Variants in CLRN1 observed in about 807,000 individuals in gnomAD.
CLRN1 encodes the protein clarin 1.
Under a neutral mutation model 18.7 loss-of-function variants are expected in CLRN1, and 15 were observed. The ratio of observed to expected loss-of-function variants is 0.80; its 90% confidence interval spans 0.54 to 1.23. The LOEUF is 1.23. Ranked by LOEUF, CLRN1 falls within the 50% of genes most tolerant of loss-of-function variation. CLRN1 has a pLI of 0.00. For missense variants in CLRN1, 311 were observed against 277.5 expected (o/e 1.12, Z -0.86); for synonymous variants, 104 against 102.9 (o/e 1.01, Z -0.07).
At chr3:150,944,020 A>T in intron 1 of CLRN1, 1 of 1,007,294 alleles carries the variant, frequency 9.9e-7, no homozygotes, top group Non-Finnish European at 1.5e-6. Flanking sequence ...AGTTTCAGAT[A>T]GTGATACATA....
At chr3:150,954,905 T>C (rs1714663836) in intron 1 of CLRN1, among the ~76,000 whole-genome samples, 1 of 152,202 alleles carries the variant, frequency 6.6e-6, no homozygotes, top group African/African-American at 2.4e-5. Flanking sequence ...TTGCTCAGTA[T>C]TTACCTAAGA....
At chr3:150,965,424 TATC>T (rs1468405207) in intron 1 of CLRN1, among the ~76,000 whole-genome samples, 4 of 152,220 alleles carry the variant, frequency 2.6e-5, no homozygotes, top group Non-Finnish European at 5.9e-5. Context: ...ATTATATCAA[TATC>T]ATAATATTAA....
chr3:150,945,618 A>G (rs1289680565), intron 1 of CLRN1: 1 of 1,286,800 alleles, frequency 7.8e-7, no homozygotes, highest in East Asian at 5.5e-5. Context: ...CAGTGTCCTC[A>G]CTCAGGAGTC....
chr3:150,970,644 C>T (rs1715485921), intron 1 of CLRN1, among the ~76,000 whole-genome samples: 1 of 152,018 alleles, frequency 6.6e-6, no homozygotes. Flanking sequence ...ATGGAGCTGT[C>T]ACTGCAGAAT....
chr3:150,943,793 G>C (rs141081164), intron 1 of CLRN1: 2 of 1,613,824 alleles, frequency 1.2e-6, no homozygotes, highest in Non-Finnish European at 1.7e-6. Flanking sequence ...ACACCCTCTG[G>C]GGCCCTGGGG....
intron 2 of CLRN1, 95 bp from the exon 3 acceptor site, chr3:150,928,296 A>G (rs1352900106): frequency 3.5e-6 from 5 of 1,430,260 alleles, no homozygotes; most frequent in Non-Finnish European, 3.8e-6. Flanking sequence ...TTCTCTTACC[A>G]TCATCCCCAT....
intron 1 of CLRN1, among the ~76,000 whole-genome samples, chr3:150,951,839 G>A (rs1009082918): frequency 2.0e-5 from 3 of 152,060 alleles, no homozygotes; most frequent in Non-Finnish European, 4.4e-5. Context: ...CAACCAGATC[G>A]CATGAGAACT....
intron 1 of CLRN1, among the ~76,000 whole-genome samples, chr3:150,968,279 G>A (rs376190666): frequency 6.6e-6 from 1 of 152,076 alleles, no homozygotes; most frequent in Non-Finnish European, 1.5e-5. Context: ...TGCAGTTTTT[G>A]TCTTGATGGC....
chr3:150,965,924 T>C (rs968987378), intron 1 of CLRN1, among the ~76,000 whole-genome samples: 1 of 152,248 alleles, frequency 6.6e-6, no homozygotes, highest in Non-Finnish European at 1.5e-5. Context: ...TTTTCTGGAT[T>C]AGGTAGGCAG....
At chr3:150,932,057 T>C (rs921425009) in intron 2 of CLRN1, among the ~76,000 whole-genome samples, 2 of 152,130 alleles carry the variant, frequency 1.3e-5, no homozygotes, top group African/African-American at 4.8e-5. Context: ...GTTTTTTTTT[T>C]CTTCCTTTTA....
chr3:150,957,267 A>AC (rs1188006699), intron 1 of CLRN1, among the ~76,000 whole-genome samples: 1 of 146,686 alleles, frequency 6.8e-6, no homozygotes, highest in Non-Finnish European at 1.5e-5. Context: ...ACACACACAC[A>AC]CACACCACCC....
chr3:150,949,442 T>A (rs909919635), intron 1 of CLRN1, among the ~76,000 whole-genome samples: 1 of 152,094 alleles, frequency 6.6e-6, no homozygotes, highest in African/African-American at 2.4e-5. Flanking sequence ...AGAACATGAT[T>A]CTATATCTAA....
In CLRN1 at chr3:150,927,259, C is replaced by CT. The variant is rs1305052080; in HGVS notation, c.*676dup. On this transcript the variant is annotated 3_prime_UTR_variant, in exon 3 of 3. Transcript: ENST00000327047. Reference sequence around the variant, plus strand: ...AACAGACATGGTTAATAAGACTATGCTTTTTTAAAGCCTATATTTTATATT... The same window carrying CT: ...AACAGACATGGTTAATAAGACTATGCTTTTTTTAAAGCCTATATTTTATATT... 1 of 457,288 alleles carries CT rather than the reference C, an allele frequency of 2.2e-6. No individual in the cohort carries two copies. 28.3% of individuals were successfully genotyped at this position (457,288 alleles called of 1,614,324 possible).
chr3:150,936,552 G>A (rs1196269554), intron 2 of CLRN1, among the ~76,000 whole-genome samples: 1 of 152,050 alleles, frequency 6.6e-6, no homozygotes, highest in African/African-American at 2.4e-5. Flanking sequence ...AAAACATTTT[G>A]AATGTACTTT....
chr3:150,937,439 T>C (rs1479018268), intron 2 of CLRN1, among the ~76,000 whole-genome samples: 1 of 152,138 alleles, frequency 6.6e-6, no homozygotes. Flanking sequence ...GAGCTTAAGG[T>C]AAAATAGCAG....
At chr3:150,964,137 A>G (rs1285364368) in intron 1 of CLRN1, among the ~76,000 whole-genome samples, 2 of 152,228 alleles carry the variant, frequency 1.3e-5, no homozygotes, top group African/African-American at 4.8e-5. Flanking sequence ...AACCTGCAGA[A>G]TGGAAGAAAA....
At chr3:150,940,553 T>C in intron 2 of CLRN1, 1 of 1,528,948 alleles carries the variant, frequency 6.5e-7, no homozygotes, top group Non-Finnish European at 8.8e-7. Context: ...GAATAGAGAT[T>C]TTCATTACAT....
intron 1 of CLRN1, among the ~76,000 whole-genome samples, chr3:150,969,554 T>C (rs751304572): frequency 4.6e-5 from 7 of 151,898 alleles, no homozygotes; most frequent in Non-Finnish European, 1.0e-4. Flanking sequence ...CTCGATCTCC[T>C]GACCCTGTGT....
At chr3:150,965,321 T>C (rs4680089) in intron 1 of CLRN1, among the ~76,000 whole-genome samples, 1 of 151,962 alleles carries the variant, frequency 6.6e-6, no homozygotes, top group Non-Finnish European at 1.5e-5. Flanking sequence ...AGATAATACA[T>C]ACAAAATGCC....
Sources: allele counts gnomAD v4.1 joint callset (sites outside exome capture counted in the v4.1 genomes callset), GRCh38; gene constraint gnomAD v4.1.1; transcripts MANE v1.5; gene names NCBI Gene and HGNC (gene_info 2026-07-23, HGNC 2026-07-21).